Variants in PACS1 observed in about 807,000 individuals in gnomAD.
PACS1 encodes PACS-1.
In PACS1, 24 loss-of-function variants were observed where a neutral mutation model predicts 115.0. The observed-to-expected ratio is 0.21, with a 90% CI of 0.15 to 0.29. The LOEUF is 0.29. PACS1 is among the 10% of genes least tolerant of loss of function. The probability of loss-of-function intolerance (pLI) is 1.00; values close to 1 mark genes in which losing one functional copy is unlikely to be tolerated. For synonymous variants in PACS1, 453 were observed against 504.5 expected, an observed-to-expected ratio of 0.90 and a Z score of 1.37; for missense variants, 838 against 1,251.2, an observed-to-expected ratio of 0.67 and a Z score of 4.98.
intron 1 of PACS1, among the ~76,000 whole-genome samples, chr11:66,072,305 T>C (rs1352993359): frequency 1.3e-5 from 2 of 152,220 alleles, no homozygotes; most frequent in Non-Finnish European, 2.9e-5. Flanking sequence ...CTCTTGAATA[T>C]GTAGGTTGTT....
intron 1 of PACS1, among the ~76,000 whole-genome samples, chr11:66,153,966 A>T (rs2134613154): frequency 6.6e-6 from 1 of 152,320 alleles, no homozygotes; most frequent in South Asian, 2.1e-4. Flanking sequence ...ATGGAAAAAG[A>T]TTATACCATG....
intron 1 of PACS1, among the ~76,000 whole-genome samples, chr11:66,109,079 A>G (rs1858125061): frequency 6.6e-6 from 1 of 152,200 alleles, no homozygotes; most frequent in Admixed American, 6.5e-5. Flanking sequence ...GCAATATCTC[A>G]CACAGACACT....
chr11:66,173,715 G>C (rs1485551886), intron 1 of PACS1, among the ~76,000 whole-genome samples: 3 of 151,132 alleles, frequency 2.0e-5, no homozygotes, highest in African/African-American at 7.3e-5. Context: ...ATCTCAAAAA[G>C]AAAAAGAACC....
At chr11:66,150,664 G>T (rs557404911) in intron 1 of PACS1, among the ~76,000 whole-genome samples, 1 of 152,234 alleles carries the variant, frequency 6.6e-6, no homozygotes, top group East Asian at 1.9e-4. Context: ...TAAAAGTAAG[G>T]TGTTATATTT....
chr11:66,158,555 A>G (rs1436069088), intron 1 of PACS1, among the ~76,000 whole-genome samples: 7 of 152,134 alleles, frequency 4.6e-5, no homozygotes, highest in Non-Finnish European at 7.3e-5. Context: ...GAAAAAACTA[A>G]CTGGGTATGG....
intron 1 of PACS1, among the ~76,000 whole-genome samples, chr11:66,087,154 GT>G (rs1590734522): frequency 1.3e-5 from 2 of 151,984 alleles, no homozygotes; most frequent in East Asian, 3.9e-4. Flanking sequence ...ACGATAGCTA[GT>G]TTCCTAATTT....
chr11:66,241,971 GGA>G (rs1262443145), intron 22 of PACS1, among the ~76,000 whole-genome samples: 1 of 152,210 alleles, frequency 6.6e-6, no homozygotes, highest in South Asian at 2.1e-4. Context: ...CTGCAGACAG[GGA>G]GAGGCCTCTC....
intron 1 of PACS1, among the ~76,000 whole-genome samples, chr11:66,147,834 ATAAC>A (rs1023918524): frequency 3.9e-5 from 6 of 152,322 alleles, no homozygotes; most frequent in African/African-American, 9.6e-5. Flanking sequence ...TGATATAAAA[ATAAC>A]TAATTATTGT....
At chr11:66,202,091 T>C (rs1054726045) in intron 2 of PACS1, among the ~76,000 whole-genome samples, 2 of 152,218 alleles carry the variant, frequency 1.3e-5, no homozygotes, top group Non-Finnish European at 2.9e-5. Context: ...GGATCATTAG[T>C]GGCTGCTATG....
intron 1 of PACS1, among the ~76,000 whole-genome samples, chr11:66,150,270 A>G (rs1456044212): frequency 6.6e-6 from 1 of 152,232 alleles, no homozygotes; most frequent in African/African-American, 2.4e-5. Flanking sequence ...TCTCCCAAAA[A>G]TAACCATTGA....
chr11:66,132,353 C>T (rs778055371), intron 1 of PACS1, among the ~76,000 whole-genome samples: 13 of 152,086 alleles, frequency 8.5e-5, no homozygotes, highest in African/African-American at 2.4e-4. Context: ...TGTGGAACTG[C>T]GAGTCAATTA....
At chr11:66,137,022 GCC>G (rs10719542) in intron 1 of PACS1, among the ~76,000 whole-genome samples, 26 of 132,300 alleles carry the variant, frequency 2.0e-4, no homozygotes, top group East Asian at 1.1e-3. Flanking sequence ...GTCACAAATT[GCC>G]CCCCCCCCCA....
chr11:66,218,939 G>C (rs980170913), intron 7 of PACS1, among the ~76,000 whole-genome samples: 1 of 152,036 alleles, frequency 6.6e-6, no homozygotes, highest in Admixed American at 6.6e-5. Context: ...ACTTGACTAT[G>C]GGGTGTGAAG....
At chr11:66,101,572 G>T (rs922806039) in intron 1 of PACS1, among the ~76,000 whole-genome samples, 1 of 152,192 alleles carries the variant, frequency 6.6e-6, no homozygotes, top group Non-Finnish European at 1.5e-5. Context: ...TCAAAGAAAG[G>T]GTAGTCAGGA....
At chr11:66,202,047 A>G (rs1021307814) in intron 2 of PACS1, among the ~76,000 whole-genome samples, 6 of 152,190 alleles carry the variant, frequency 3.9e-5, no homozygotes, top group African/African-American at 1.4e-4. Flanking sequence ...ATCAGAGATG[A>G]AAAAAGAGGT....
At chr11:66,186,401 A>G (rs908536739) in intron 1 of PACS1, among the ~76,000 whole-genome samples, 2 of 152,100 alleles carry the variant, frequency 1.3e-5, no homozygotes, top group African/African-American at 4.8e-5. Context: ...CTTAAGGCCT[A>G]TGTACTTCTT....
At position 66,162,112 on chromosome 11, in the gene PACS1, G is replaced by GTTTTTTT. The variant is rs58980906; in HGVS notation, c.357-31349_357-31343dup. On this transcript the variant is annotated intron_variant, in intron 1 of 23. Transcript: ENST00000320580. Reference sequence around the variant, plus strand: ...ATGTTTTCTGTTGGTGGTGGTGGTGGTTTTTTTTTTTTTTTTTTTTTTTTT... The same window carrying GTTTTTTT: ...ATGTTTTCTGTTGGTGGTGGTGGTGGTTTTTTTTTTTTTTTTTTTTTTTTTTTTTTTT... Among the ~76,000 whole-genome samples, 10 of 56,366 alleles carry GTTTTTTT rather than the reference G, an allele frequency of 1.8e-4. 2 individuals are homozygous for GTTTTTTT. Among genetic ancestry groups the GTTTTTTT allele is most frequent in the Middle Eastern group, 0.032 (2 of 62 alleles). The allele number at this position is 56,366 out of a possible 152,430, so 37.0% of individuals were successfully genotyped here.
At chr11:66,156,491 C>G (rs1242555905) in intron 1 of PACS1, among the ~76,000 whole-genome samples, 2 of 151,582 alleles carry the variant, frequency 1.3e-5, no homozygotes, top group East Asian at 3.9e-4. Context: ...GTGATCCATC[C>G]GTCTTGGCCT....
In PACS1 at chr11:66,236,501, A is replaced by G. The variant is rs1855707328; in HGVS notation, c.2250+561A>G. On this transcript the variant is annotated intron_variant, in intron 19 of 23. Transcript: ENST00000320580. This position sits in a 1 kb window ranked among gnomAD's most constrained non-coding sequence, Gnocchi z 4.2. ...GGAAGGCTTTCTTCTTTCCTTTTCT[A>G]TTTAACCAAGGAGAAATCTCTATAC... 1.3e-5 allele frequency among the ~76,000 whole-genome samples: 2 copies of G among 152,184 alleles called. No individual in the cohort carries two copies. The highest frequency in any genetic ancestry group is 1.5e-5 in the Non-Finnish European group (1 of 68,028).
Sources: allele counts gnomAD v4.1 joint callset (sites outside exome capture counted in the v4.1 genomes callset), GRCh38; gene constraint gnomAD v4.1.1; non-coding constraint Gnocchi (gnomAD v3.1); transcripts MANE v1.5; gene names NCBI Gene and HGNC (gene_info 2026-07-23, HGNC 2026-07-21).